Variants in TASOR2 observed in about 807,000 individuals in gnomAD.
The protein encoded by TASOR2 is transcription activation suppressor family member 2.
In TASOR2, 84 loss-of-function variants were observed where a neutral mutation model predicts 199.5. The observed-to-expected ratio is 0.42, with a 90% CI of 0.35 to 0.50. TASOR2 has a LOEUF of 0.50. TASOR2 is among the 20% of genes least tolerant of loss of function. The pLI is 0.02. For synonymous variants in TASOR2, 1,103 were observed against 1,046.6 expected (o/e 1.05, Z -1.04); for missense variants, 2,796 against 2,835.9 (o/e 0.99, Z 0.32).
intron 1 of TASOR2, among the ~76,000 whole-genome samples, chr10:5,691,037 A>C (rs910180971): frequency 2.6e-5 from 4 of 152,008 alleles, no homozygotes; most frequent in African/African-American, 7.2e-5. Flanking sequence ...CTAAAATACA[A>C]AAAATTAGCC....
At chr10:5,715,699 A>G (rs1832540182) in intron 2 of TASOR2, among the ~76,000 whole-genome samples, 1 of 151,762 alleles carries the variant, frequency 6.6e-6, no homozygotes, top group South Asian at 2.1e-4. Flanking sequence ...CTGGAGTGCA[A>G]TGGCGCAATC....
rs1836263931 is a variant in TASOR2, at chr10:5,740,562, T to C, written c.2327+65T>C. On this transcript the variant is annotated intron_variant, in intron 13 of 20. Coordinates refer to ENST00000328090, the Ensembl canonical transcript of TASOR2. This position sits in a 1 kb window ranked among gnomAD's most constrained non-coding sequence, Gnocchi z 5.3. Reference sequence around the variant, plus strand: ...TTCTGTTGAGATGAATGTAGTGAGATGGGGAAACTTATGCCAAACTCTGGA... The same window carrying C: ...TTCTGTTGAGATGAATGTAGTGAGACGGGGAAACTTATGCCAAACTCTGGA... 1.3e-6 allele frequency: 2 copies of C among 1,513,952 alleles called. No homozygotes were observed. Among genetic ancestry groups the C allele is most frequent in the Admixed American group, 3.8e-5 (2 of 52,452 alleles). The allele number at this position is 1,513,952 out of a possible 1,614,324, so 93.8% of individuals were successfully genotyped here. A position where few individuals can be genotyped will look rare whatever the true frequency, so the allele number is the denominator to read the frequency against.
chr10:5,691,871 G>A (rs1217136183), intron 1 of TASOR2, among the ~76,000 whole-genome samples: 1 of 152,142 alleles, frequency 6.6e-6, no homozygotes, highest in Admixed American at 6.5e-5. Flanking sequence ...CTGAAGCTAT[G>A]TGAAGTATTA....
At chr10:5,697,930 T>C (rs143529582) in intron 1 of TASOR2, among the ~76,000 whole-genome samples, 27 of 152,346 alleles carry the variant, frequency 1.8e-4, no homozygotes, top group African/African-American at 6.0e-4. Context: ...ATTGAAGATA[T>C]AATTCACATG....
exon 15 of TASOR2, chr10:5,746,359 A>T (rs1395825917): frequency 6.2e-7 from 1 of 1,614,178 alleles, no homozygotes; most frequent in Non-Finnish European, 8.5e-7. Context: ...ATTCACCAGG[A>T]CTTACGATGG....
At chr10:5,731,141 G>T in exon 11 of TASOR2, 5 of 1,611,562 alleles carry the variant, frequency 3.1e-6, no homozygotes, top group Non-Finnish European at 4.2e-6. Flanking sequence ...GCAGACAACA[G>T]CTCGGACTCT....
intron 2 of TASOR2, among the ~76,000 whole-genome samples, chr10:5,716,745 T>C (rs1832703068): frequency 6.6e-6 from 1 of 151,754 alleles, no homozygotes; most frequent in African/African-American, 2.4e-5. Flanking sequence ...CCAAACCCCG[T>C]CTCTACTAAA....
rs1387823232 is a variant in TASOR2 at position 5,740,234 on chromosome 10, A to C, written c.2064A>C (p.Ala688=). The C allele has an allele frequency of 6.2e-7, 1 of 1,614,260 alleles. No homozygotes were observed. The highest frequency in any genetic ancestry group is 1.1e-5 in the South Asian group (1 of 91,090). Residue 688 remains alanine, a synonymous_variant, in exon 13 of 21, where the codon GCA becomes GCC. Coordinates refer to ENST00000328090, the Ensembl canonical transcript of TASOR2. This position sits in a 1 kb window ranked among gnomAD's most constrained non-coding sequence, Gnocchi z 5.3. ...GGAATGGGACAAAAAGCCCTGAAGC[A>C]GCAACCCCAGTGGGGAAAGTCATGC...
intron 1 of TASOR2, among the ~76,000 whole-genome samples, chr10:5,695,494 G>T (rs973687670): frequency 1.3e-5 from 2 of 152,164 alleles, no homozygotes; most frequent in African/African-American, 4.8e-5. Context: ...TTAGTAAAAT[G>T]AGGTCTTCAT....
At chr10:5,747,979 T>C (rs1292219418) in exon 15 of TASOR2, 3 of 1,612,546 alleles carry the variant, frequency 1.9e-6, no homozygotes, top group South Asian at 2.2e-5. Flanking sequence ...AAAGGTGCAG[T>C]GCTATGGTAG....
intron 18 of TASOR2, 26 bp downstream of exon 19, chr10:5,759,018 C>T: frequency 1.3e-6 from 2 of 1,524,932 alleles, no homozygotes; most frequent in Non-Finnish European, 1.8e-6. Context: ...GTGTATGGTT[C>T]CTCCTGCCCT....
Position 5,730,701 on chromosome 10 carries a change from A to G in TASOR2, c.702A>G (p.Thr234=), listed in dbSNP as rs368788771. The stretch of plus-strand genomic sequence containing the variant: ...CTCAGGATAGAATGAAAGACCCTAC[A>G]TTCTTGGGGAAACTGCCCAGTGGTT... The change falls in exon 11 of 21, where the codon ACA becomes ACG. Residue 234 remains threonine (T), a synonymous_variant. Coordinates refer to ENST00000328090, the Ensembl canonical transcript of TASOR2. This position sits in a 1 kb window ranked among gnomAD's most constrained non-coding sequence, Gnocchi z 4.1. 6.2e-7 allele frequency: 1 copy of G among 1,614,208 alleles called. No individual in the cohort carries two copies. The highest frequency in any genetic ancestry group is 8.5e-7 in the Non-Finnish European group (1 of 1,180,020).
rs943391253 is a variant in TASOR2 at position 5,720,602 on chromosome 10, C to G, written c.-41C>G. On this transcript the variant is annotated 5_prime_UTR_variant, in exon 4 of 21. Transcript: ENST00000328090. The surrounding 1 kb of genome is among the most constrained non-coding windows in gnomAD (Gnocchi z 5.3). ...ATTGAACGACCCAGACAGATCTGTCCTTATGTAATTGTAGCTTTTCGATAC... is the reference window on the plus strand; with the variant it reads ...ATTGAACGACCCAGACAGATCTGTCGTTATGTAATTGTAGCTTTTCGATAC... 6.2e-7 allele frequency: 1 copy of G among 1,613,730 alleles called. No individual in the cohort carries two copies. The highest frequency in any genetic ancestry group is 8.5e-7 in the Non-Finnish European group (1 of 1,179,942).
In TASOR2 at chr10:5,751,103, A is replaced by G. The variant is rs887798747; in HGVS notation, c.6606+1076A>G. Among the ~76,000 whole-genome samples the G allele has an allele frequency of 2.6e-5, 4 of 152,196 alleles. No homozygotes were observed. The highest frequency in any genetic ancestry group is 9.7e-5 in the African/African-American group (4 of 41,440). On this transcript the variant is annotated intron_variant, in intron 15 of 20. Transcript: ENST00000328090. The surrounding 1 kb of genome is among the most constrained non-coding windows in gnomAD (Gnocchi z 5.3). Reference sequence around the variant, plus strand: ...CAGTGCATTCATTGTATCAGGAGGCACCCGATGTTGATTTATCCCCTTACT... The same window carrying G: ...CAGTGCATTCATTGTATCAGGAGGCGCCCGATGTTGATTTATCCCCTTACT...
rs565598467 is a variant in TASOR2 at position 5,720,603 on chromosome 10, T to G, written c.-40T>G. The G allele has an allele frequency of 1.2e-6, 2 of 1,613,900 alleles. No individual in the cohort carries two copies. Among genetic ancestry groups the G allele is most frequent in the Admixed American group, 1.7e-5 (1 of 60,022 alleles). ...TTGAACGACCCAGACAGATCTGTCC[T>G]TATGTAATTGTAGCTTTTCGATACA... On this transcript the variant is annotated 5_prime_UTR_variant, in exon 4 of 21. Transcript: ENST00000328090. This position sits in a 1 kb window ranked among gnomAD's most constrained non-coding sequence, Gnocchi z 5.3.
intron 17 of TASOR2, 92 bp downstream of exon 18, chr10:5,757,765 A>C: frequency 1.1e-4 from 141 of 1,335,482 alleles, no homozygotes; most frequent in Non-Finnish European, 1.4e-4. Flanking sequence ...AGAAATGATC[A>C]ACTCTAAGGA....
chr10:5,693,546 A>G (rs757994673), intron 1 of TASOR2, among the ~76,000 whole-genome samples: 3 of 152,112 alleles, frequency 2.0e-5, no homozygotes, highest in African/African-American at 4.8e-5. Context: ...GGGAAATGCT[A>G]TTTGTTTTCT....
intron 3 of TASOR2, among the ~76,000 whole-genome samples, chr10:5,718,858 G>A (rs1833000114): frequency 2.0e-5 from 3 of 151,968 alleles, no homozygotes; most frequent in Admixed American, 6.5e-5. Context: ...TCTGCGATGA[G>A]TGCTGCAGAA....
chr10:5,756,663 T>C (rs766513163), exon 16 of TASOR2: 2 of 1,613,694 alleles, frequency 1.2e-6, no homozygotes, highest in Non-Finnish European at 1.7e-6. Context: ...AGCACTTCTG[T>C]CAAGCTTTCC....
Sources: allele counts gnomAD v4.1 joint callset (sites outside exome capture counted in the v4.1 genomes callset), GRCh38; gene constraint gnomAD v4.1.1; non-coding constraint Gnocchi (gnomAD v3.1); transcripts MANE v1.5; gene names NCBI Gene and HGNC (gene_info 2026-07-23, HGNC 2026-07-21).